The following ZNF254 variants were observed in gnomAD, a reference collection of about 807,000 sequenced individuals.
The protein encoded by ZNF254 is CTD-2017D11.1.
ZNF254 carries 10 observed loss-of-function variants against 12.4 expected under a neutral mutation model. The observed-to-expected ratio is 0.80, with a 90% CI of 0.50 to 1.36. The LOEUF (loss-of-function observed/expected upper bound fraction) is 1.36. Among genes scored for constraint, ZNF254 ranks in the 40% most tolerant of loss-of-function variants. The probability of loss-of-function intolerance (pLI) is 0.00; values close to 1 mark genes in which losing one functional copy is unlikely to be tolerated. For missense variants in ZNF254, 996 were observed against 763.9 expected (o/e 1.30, Z -3.58); for synonymous variants, 305 against 253.4 (o/e 1.20, Z -1.93).
At chr19:24,093,194 CTTTG>C (rs1342192142) in intron 1 of ZNF254, among the ~76,000 whole-genome samples, 1 of 151,812 alleles carries the variant, frequency 6.6e-6, no homozygotes, top group Non-Finnish European at 1.5e-5. Flanking sequence ...GACATTAGAC[CTTTG>C]TTAGAAGCAT....
chr19:24,061,829 A>G (rs1051955295), intron 2 of ZNF254, among the ~76,000 whole-genome samples: 2 of 152,174 alleles, frequency 1.3e-5, no homozygotes, highest in Admixed American at 6.5e-5. Flanking sequence ...CACGCCTATA[A>G]TCCCAGCACT....
intron 2 of ZNF254, among the ~76,000 whole-genome samples, chr19:24,057,032 A>C (rs556968489): frequency 6.6e-6 from 1 of 152,312 alleles, no homozygotes; most frequent in Admixed American, 6.5e-5. Flanking sequence ...GAGACATACT[A>C]TCTCTCATAT....
At chr19:24,059,846 A>C (rs1210304068) in intron 2 of ZNF254, among the ~76,000 whole-genome samples, 1 of 151,988 alleles carries the variant, frequency 6.6e-6, no homozygotes, top group Non-Finnish European at 1.5e-5. Flanking sequence ...CATATTATGA[A>C]TATTGGACGT....
rs777276230 is a variant in ZNF254, at chr19:24,127,391, G to T, written c.1391G>T (p.Cys464Phe). 5.0e-6 allele frequency: 8 copies of T among 1,612,118 alleles called. No homozygotes were observed. In the African/African-American group the frequency reaches 1.1e-4, roughly 22 times the overall value. Residue 464 changes from cysteine to phenylalanine, a missense_variant, in exon 4 of 4, where the codon TGT becomes TTT. Cys to Phe is a radical substitution (Grantham distance 205, BLOSUM62 -2). Coordinates refer to ENST00000357002, the MANE Select transcript of ZNF254 (RefSeq NM_203282.4). ...RIHTREKPYK[C>F]EECGKAFIWS... is the part of the protein sequence containing the mutation. ...CATACTAGAGAGAAACCCTACAAAT[G>T]TGAAGAATGTGGCAAGGCATTTATA...
At chr19:24,082,130 A>G (rs1332390836) in intron 2 of ZNF254, among the ~76,000 whole-genome samples, 7 of 139,706 alleles carry the variant, frequency 5.0e-5, no homozygotes, top group Admixed American at 1.4e-4. Flanking sequence ...CCTCAAAAGA[A>G]AAAAAAAAAA....
In ZNF254 at chr19:24,126,251, C is replaced by A. The variant is rs1359655110; in HGVS notation, c.254-3C>A. 7.1e-7 allele frequency: 1 copy of A among 1,414,768 alleles called. No homozygotes were observed. The highest frequency in any genetic ancestry group is 2.5e-5 in the East Asian group (1 of 40,318). 87.6% of individuals were successfully genotyped at this position (1,414,768 alleles called of 1,614,324 possible). A position where few individuals can be genotyped will look rare whatever the true frequency, so the allele number is the denominator to read the frequency against. On this transcript the variant is annotated splice_region_variant and splice_polypyrimidine_tract_variant and intron_variant, in intron 3 of 3. Transcript: ENST00000357002. ...AATTTATTTATTTTTATTTTTTTTT[C>A]AGGTATGTGTCCTCATTTTGCTCAA...
intron 2 of ZNF254, among the ~76,000 whole-genome samples, chr19:24,047,749 G>A (rs757685451): frequency 1.1e-4 from 17 of 149,766 alleles, no homozygotes; most frequent in Non-Finnish European, 1.5e-4. Flanking sequence ...GTGCAATGGC[G>A]TGATCTTGGC....
intron 2 of ZNF254, among the ~76,000 whole-genome samples, chr19:24,048,101 C>A (rs1457944912): frequency 7.8e-6 from 1 of 128,590 alleles, no homozygotes; most frequent in Non-Finnish European, 1.5e-5. Flanking sequence ...CAGCTTTGGG[C>A]GCGAGCTCCA....
intron 3 of ZNF254, among the ~76,000 whole-genome samples, chr19:24,113,379 A>G (rs148355587): frequency 9.6e-4 from 146 of 152,344 alleles, no homozygotes; most frequent in African/African-American, 3.4e-3. Context: ...GGTTCAATAT[A>G]TGCCAATTAA....
chr19:24,059,936 C>A (rs1971006310), intron 2 of ZNF254, among the ~76,000 whole-genome samples: 1 of 151,908 alleles, frequency 6.6e-6, no homozygotes, highest in Non-Finnish European at 1.5e-5. Context: ...ATGTCTCTGG[C>A]CTCATTACCT....
intron 2 of ZNF254, among the ~76,000 whole-genome samples, chr19:24,058,417 T>C (rs1294980335): frequency 2.6e-5 from 4 of 151,468 alleles, no homozygotes; most frequent in Admixed American, 6.6e-5. Flanking sequence ...TTCTTTCTTT[T>C]TTTTTTTTTT....
At chr19:24,093,139 T>C (rs1972491411) in intron 1 of ZNF254, among the ~76,000 whole-genome samples, 1 of 152,140 alleles carries the variant, frequency 6.6e-6, no homozygotes, top group South Asian at 2.1e-4. Context: ...TGCTTTTTAG[T>C]GAGGTCTTTT....
intron 3 of ZNF254, chr19:24,107,029 T>G (rs2071168922): frequency 2.2e-6 from 1 of 456,750 alleles, no homozygotes; most frequent in South Asian, 5.0e-5. Context: ...TGTGTGAGAG[T>G]AGTAGTTTCT....
At chr19:24,062,087 C>CAAAAAAAAA (rs72097158) in intron 2 of ZNF254, among the ~76,000 whole-genome samples, 18 of 114,944 alleles carry the variant, frequency 1.6e-4, no homozygotes, top group Non-Finnish European at 2.7e-4. Context: ...CTCTGTCTCA[C>CAAAAAAAAA]AAAAAAAAAA....
rs140828311 is a variant in ZNF254, at chr19:24,129,193, T to A, written c.*1213T>A. The A allele has an allele frequency of 6.6e-6, 1 of 152,186 alleles. No homozygotes were observed. The highest frequency in any genetic ancestry group is 2.4e-5 in the African/African-American group (1 of 41,574). The allele number at this position is 152,186 out of a possible 1,614,324, so 9.4% of individuals were successfully genotyped here. On this transcript the variant is annotated 3_prime_UTR_variant, in exon 4 of 4. Coordinates refer to ENST00000357002, the MANE Select transcript of ZNF254 (RefSeq NM_203282.4). ...TAATATTCCTCTGCATTATTATGAA[T>A]GAAAAGCATTCTTAATTTTAGTTAA...
At chr19:24,057,673 G>C (rs1350728540) in intron 2 of ZNF254, among the ~76,000 whole-genome samples, 2 of 152,198 alleles carry the variant, frequency 1.3e-5, no homozygotes, top group African/African-American at 4.8e-5. Context: ...TTGCAAGTTG[G>C]AAAATTTACT....
intron 2 of ZNF254, among the ~76,000 whole-genome samples, chr19:24,081,921 G>T (rs1053005867): frequency 2.2e-4 from 34 of 152,070 alleles, no homozygotes; most frequent in African/African-American, 8.2e-4. Flanking sequence ...TCAGGAGTTC[G>T]AGACCAGCCT....
chr19:24,053,844 A>G (rs1274417439), intron 2 of ZNF254, among the ~76,000 whole-genome samples: 1 of 151,684 alleles, frequency 6.6e-6, no homozygotes, highest in Non-Finnish European at 1.5e-5. Context: ...GCGGCATATC[A>G]CTGGACCCAG....
At chr19:24,081,141 A>G (rs1971831990) in intron 2 of ZNF254, among the ~76,000 whole-genome samples, 2 of 152,066 alleles carry the variant, frequency 1.3e-5, no homozygotes, top group Admixed American at 6.6e-5. Context: ...ACCCATTATA[A>G]TGGGTCTGTT....
Sources: gnomAD v4.1 joint callset for allele counts (sites outside exome capture counted in the v4.1 genomes callset) on GRCh38, gnomAD v4.1.1 for gene constraint, MANE v1.5 for transcripts, NCBI Gene and HGNC (gene_info 2026-07-23, HGNC 2026-07-21) for gene names.